JARID2: variants seen among roughly 807,000 people sequenced by gnomAD.
JARID2 encodes jumonji and AT-rich interaction domain containing 2.
JARID2 carries 21 observed loss-of-function variants against 125.6 expected under a neutral mutation model. The ratio of observed to expected loss-of-function variants is 0.17; its 90% CI spans 0.12 to 0.24. The LOEUF (loss-of-function observed/expected upper bound fraction) is 0.24, where lower values mean the gene tolerates loss of function less well. Ranked by LOEUF, JARID2 falls within the 10% of genes least tolerant of loss-of-function variation. The pLI, the probability that JARID2 is intolerant of heterozygous loss-of-function variation, is 1.00. For synonymous variants in JARID2, 736 were observed against 661.6 expected, an observed-to-expected ratio of 1.11 and a Z score of -1.73; for missense variants, 1,303 against 1,639.6, an observed-to-expected ratio of 0.79 and a Z score of 3.55.
rs557264941 is a variant in JARID2, at chr6:15,323,285, G to C, written c.46-50832G>C. 3.9e-5 allele frequency among the ~76,000 whole-genome samples: 6 copies of C among 152,312 alleles called. No homozygotes were observed. The East Asian group carries it at 1.2e-3, about 29-fold the overall frequency. On this transcript the variant is annotated intron_variant, in intron 1 of 17. Coordinates refer to ENST00000341776, the MANE Select transcript of JARID2 (RefSeq NM_004973.4). ...AACTGTGTAGGATTAGCTGTGTCTT[G>C]TTCTTTCCTTTTCTTTCTTACAATC...
At chr6:15,475,440 G>T (rs1325598593) in intron 5 of JARID2, among the ~76,000 whole-genome samples, 1 of 152,224 alleles carries the variant, frequency 6.6e-6, no homozygotes, top group East Asian at 1.9e-4. Flanking sequence ...GCCACATCAG[G>T]TGCTGTGGAA....
chr6:15,332,319 T>C (rs1395316828), intron 1 of JARID2, among the ~76,000 whole-genome samples: 1 of 152,228 alleles, frequency 6.6e-6, no homozygotes, highest in Non-Finnish European at 1.5e-5. Context: ...GGCTCAAACA[T>C]GCCAGACAAT....
chr6:15,390,957 C>T (rs1050928411), intron 2 of JARID2, among the ~76,000 whole-genome samples: 3 of 151,946 alleles, frequency 2.0e-5, no homozygotes, highest in African/African-American at 7.3e-5. Context: ...ATTTTTTTTC[C>T]TCAGAGGTGG....
chr6:15,329,749 C>T (rs1581419404), intron 1 of JARID2, among the ~76,000 whole-genome samples: 1 of 152,278 alleles, frequency 6.6e-6, no homozygotes, highest in East Asian at 1.9e-4. Context: ...TTTGCCCATC[C>T]ATGACATGCC....
rs1771786625 is a variant in JARID2, at chr6:15,520,556, T to A, written c.*305T>A. On this transcript the variant is annotated 3_prime_UTR_variant, in exon 18 of 18. Coordinates refer to ENST00000341776, the MANE Select transcript of JARID2 (RefSeq NM_004973.4). Reference sequence around the variant, plus strand: ...AAAAGCCTTTTTTTTTGGTTTTGATTTTTTTTTTTTTGTAACTGTTGGGGG... The same window carrying A: ...AAAAGCCTTTTTTTTTGGTTTTGATATTTTTTTTTTTGTAACTGTTGGGGG... 1 of 277,656 alleles carries A rather than the reference T, an allele frequency of 3.6e-6. No homozygotes were observed. Among genetic ancestry groups the A allele is most frequent in the Non-Finnish European group, 7.0e-6 (1 of 142,926 alleles). 17.2% of individuals were successfully genotyped at this position (277,656 alleles called of 1,614,324 possible).
intron 1 of JARID2, among the ~76,000 whole-genome samples, chr6:15,309,566 G>A (rs904357348): frequency 6.6e-6 from 1 of 151,936 alleles, no homozygotes; most frequent in Admixed American, 6.6e-5. Flanking sequence ...AGTGAAAAAA[G>A]CAAGTGAGAA....
chr6:15,506,406 A>G (rs16876555), intron 9 of JARID2, among the ~76,000 whole-genome samples: 27,429 of 152,222 alleles, frequency 0.18, 4,066 homozygotes, highest in African/African-American at 0.4. Flanking sequence ...GTCACACAGC[A>G]TTGAGGAAAG....
At chr6:15,339,762 C>G (rs543303012) in intron 1 of JARID2, among the ~76,000 whole-genome samples, 1 of 152,116 alleles carries the variant, frequency 6.6e-6, no homozygotes, top group East Asian at 1.9e-4. Flanking sequence ...CTCGAACTCC[C>G]AACCTCAGGT....
At chr6:15,366,910 A>AATATTG (rs1764000797) in intron 1 of JARID2, among the ~76,000 whole-genome samples, 1 of 151,886 alleles carries the variant, frequency 6.6e-6, no homozygotes. Flanking sequence ...TCTATGTTAT[A>AATATTG]TTTGTTTTAT....
chr6:15,397,327 C>T (rs746279123), intron 2 of JARID2, among the ~76,000 whole-genome samples: 9 of 152,112 alleles, frequency 5.9e-5, no homozygotes, highest in Non-Finnish European at 1.0e-4. Flanking sequence ...ATGGCTGATG[C>T]TGTATGATCA....
chr6:15,515,619 T>C (rs1426200110), intron 16 of JARID2, among the ~76,000 whole-genome samples: 1 of 151,674 alleles, frequency 6.6e-6, no homozygotes, highest in African/African-American at 2.4e-5. Context: ...GACTAATCTC[T>C]ACAAAAAATA....
At chr6:15,349,540 T>C (rs1181425868) in intron 1 of JARID2, among the ~76,000 whole-genome samples, 1 of 152,208 alleles carries the variant, frequency 6.6e-6, no homozygotes, top group African/African-American at 2.4e-5. Context: ...GACTGGATTT[T>C]GGCATTGGCA....
At chr6:15,264,118 G>C (rs1191629420) in intron 1 of JARID2, among the ~76,000 whole-genome samples, 1 of 152,192 alleles carries the variant, frequency 6.6e-6, no homozygotes, top group Admixed American at 6.5e-5. Context: ...GAAGTGGATG[G>C]TGGGGACTGC....
intron 1 of JARID2, among the ~76,000 whole-genome samples, chr6:15,327,328 T>C (rs707828): frequency 0.9 from 137,099 of 152,196 alleles, 61,935 homozygotes; most frequent in African/African-American, 0.98. Flanking sequence ...GCTGCATAGG[T>C]GCCTTTTGAC....
At chr6:15,324,493 T>G (rs1762467951) in intron 1 of JARID2, 1 of 152,120 alleles carries the variant, frequency 6.6e-6, no homozygotes, top group Non-Finnish European at 1.5e-5. Flanking sequence ...CTCCTTTTTC[T>G]TCTTCTTTTT....
At chr6:15,497,401 C>G (rs1223084999) in intron 7 of JARID2, among the ~76,000 whole-genome samples, 2 of 152,190 alleles carry the variant, frequency 1.3e-5, no homozygotes, top group African/African-American at 4.8e-5. Context: ...GTGGCTCACG[C>G]TTGTAATCCC....
chr6:15,519,073 C>A (rs968982160), intron 17 of JARID2, among the ~76,000 whole-genome samples: 1 of 152,186 alleles, frequency 6.6e-6, no homozygotes, highest in African/African-American at 2.4e-5. Context: ...TGCCGCCGAG[C>A]CTAGTGTGAG....
chr6:15,308,801 G>A (rs1761919903), intron 1 of JARID2, among the ~76,000 whole-genome samples: 1 of 152,232 alleles, frequency 6.6e-6, no homozygotes, highest in Non-Finnish European at 1.5e-5. Context: ...TTGCTTACTG[G>A]TGAAATTGGT....
At position 15,501,373 on chromosome 6, in the gene JARID2, A is replaced by G; in HGVS notation, c.2412A>G (p.Lys804=). 1 of 1,565,794 alleles carries G rather than the reference A, an allele frequency of 6.4e-7. No individual in the cohort carries two copies. The highest frequency in any genetic ancestry group is 1.2e-5 in the South Asian group (1 of 84,802). The change falls in exon 8 of 18, where the codon AAA becomes AAG. Residue 804 remains lysine, a synonymous_variant. Coordinates refer to ENST00000341776, the MANE Select transcript of JARID2 (RefSeq NM_004973.4). ...KEVVKEEEED[K]GVLNDFHKCI... ...TGGTCAAGGAAGAGGAGGAGGACAA[A>G]GGCGTCCTCAATGACTTCCACAAGT...
Sources: gnomAD v4.1 joint callset for allele counts (sites outside exome capture counted in the v4.1 genomes callset) on GRCh38, gnomAD v4.1.1 for gene constraint, MANE v1.5 for transcripts, NCBI Gene and HGNC (gene_info 2026-07-23, HGNC 2026-07-21) for gene names.